Variants in EPS15L1 observed in about 807,000 individuals in gnomAD.
EPS15L1 encodes epidermal growth factor receptor pathway substrate 15 like 1, also known as epidermal growth factor receptor substrate 15-like 1.
EPS15L1 carries 43 observed loss-of-function variants against 117.1 expected under a neutral mutation model. The ratio of observed to expected loss-of-function variants is 0.37; its 90% CI spans 0.29 to 0.47. The LOEUF (loss-of-function observed/expected upper bound fraction) is 0.47. EPS15L1 is among the 20% of genes least tolerant of loss of function. The probability of loss-of-function intolerance (pLI) is 0.99; values close to 1 mark genes in which losing one functional copy is unlikely to be tolerated. For missense variants in EPS15L1, 981 were observed against 1,164.0 expected, an observed-to-expected ratio of 0.84 and a Z score of 2.29; for synonymous variants, 459 against 470.5, an observed-to-expected ratio of 0.98 and a Z score of 0.32.
At position 16,427,899 on chromosome 19, in the gene EPS15L1, A is replaced by AAAAGAAAG. The variant is rs568806756; in HGVS notation, c.558+795_558+802dup. On this transcript the variant is annotated intron_variant, in intron 8 of 23. Coordinates refer to ENST00000455140, the MANE Select transcript of EPS15L1 (RefSeq NM_001258374.3). ...ACAGAGCAAGACTCCGTGTCAAAAA[A>AAAAGAAAG]AAAGAAAGAAAGAAAGAAAGAAGGC... Among the ~76,000 whole-genome samples, 241 of 148,370 alleles carry AAAAGAAAG rather than the reference A, an allele frequency of 1.6e-3. 1 individual carries two copies. The highest frequency in any genetic ancestry group is 5.7e-3 in the African/African-American group (227 of 40,046).
At position 16,377,231 on chromosome 19, in the gene EPS15L1, G is replaced by A; in HGVS notation, c.2271C>T (p.Thr757=). ...AGAATCCTGCCCCTCCCAAGGAGGA[G>A]GTGAAAGGGCCAGAAGGTGGGGGCT... is the stretch of plus-strand genomic sequence containing the variant. ...MSKPPPSGPF[T]SSLGGAGFSD... is the part of the protein sequence containing the mutation. Residue 757 remains threonine (T), a synonymous_variant, in exon 22 of 24, where the codon ACC becomes ACT. Transcript: ENST00000455140. The A allele has an allele frequency of 6.2e-7, 1 of 1,613,064 alleles. No homozygotes were observed. Among genetic ancestry groups the A allele is most frequent in the Non-Finnish European group, 8.5e-7 (1 of 1,179,602 alleles).
intron 15 of EPS15L1, among the ~76,000 whole-genome samples, chr19:16,403,327 C>T (rs1352399561): frequency 6.6e-6 from 1 of 152,206 alleles, no homozygotes; most frequent in Non-Finnish European, 1.5e-5. Flanking sequence ...GCCTCCTGAA[C>T]ACACCAGTGG....
chr19:16,392,541 G>A, intron 18 of EPS15L1, 101 bp from the exon 19 acceptor site: 1 of 1,192,284 alleles, frequency 8.4e-7, no homozygotes, highest in South Asian at 1.4e-5. Flanking sequence ...TGAAATTCTA[G>A]AAAGGTAAGA....
At chr19:16,363,217 C>T (rs577331107) in intron 22 of EPS15L1, among the ~76,000 whole-genome samples, 5 of 152,324 alleles carry the variant, frequency 3.3e-5, no homozygotes, top group Non-Finnish European at 5.9e-5. Flanking sequence ...ACGTGGTCCA[C>T]GCAGCACCCC....
Position 16,371,429 on chromosome 19 carries a change from G to A in EPS15L1, c.2380+5693C>T, listed in dbSNP as rs941228255. 1.3e-5 allele frequency among the ~76,000 whole-genome samples: 2 copies of A among 152,188 alleles called. No individual in the cohort carries two copies. The highest frequency in any genetic ancestry group is 2.9e-5 in the Non-Finnish European group (2 of 68,028). On this transcript the variant is annotated intron_variant, in intron 22 of 23. Transcript: ENST00000455140. This position sits in a 1 kb window ranked among gnomAD's most constrained non-coding sequence, Gnocchi z 4.7. ...GCTGCTCAAATCAAACAGGACAGCC[G>A]CTGGTTAAACTTAGGTAAAAGCTGT...
Position 16,448,552 on chromosome 19 carries a change from G to C in EPS15L1, c.34-6333C>G, listed in dbSNP as rs1005217568. 1.4e-4 allele frequency among the ~76,000 whole-genome samples: 20 copies of C among 143,490 alleles called. 2 individuals carry two copies. The highest frequency in any genetic ancestry group is 5.3e-4 in the African/African-American group (20 of 38,050). The allele number at this position is 143,490 out of a possible 152,430, so 94.1% of individuals were successfully genotyped here. On this transcript the variant is annotated intron_variant, in intron 1 of 23. Transcript: ENST00000455140. ...AAATTCCGTATTAAAAAAAAAGGGG[G>C]GGGGAGAAAGGCCGGGCGCGGTGGC...
intron 5 of EPS15L1, 28 bp downstream of exon 5, chr19:16,437,742 T>G (rs750019015): frequency 2.1e-5 from 32 of 1,532,278 alleles, no homozygotes; most frequent in Non-Finnish European, 2.8e-5. Flanking sequence ...ATTAGAAGAA[T>G]GTGAACTTGA....
chr19:16,450,832 C>T (rs983232323), intron 1 of EPS15L1, among the ~76,000 whole-genome samples: 3 of 151,986 alleles, frequency 2.0e-5, no homozygotes, highest in Non-Finnish European at 4.4e-5. Flanking sequence ...TTTGGGTCCC[C>T]AGAGAATCCA....
In EPS15L1 at chr19:16,441,956, A is replaced by G; in HGVS notation, c.101T>C (p.Val34Ala). ...AAAAAGCGCAGCTTCACTCGCCCCC[A>G]CCCTCCCTGTGTATGCCGGATCGAC... ...KQVDPAYTGR[V>A]GASEAALFLK... is the part of the protein sequence containing the mutation. The change falls in exon 3 of 24, where the codon GTG becomes GCG. Residue 34 changes from valine to alanine, a missense_variant. Val to Ala is a moderately conservative substitution (Grantham distance 64). Transcript: ENST00000455140. 1 of 1,613,924 alleles carries G rather than the reference A, an allele frequency of 6.2e-7. No homozygotes were observed.
rs564819440 is a variant in EPS15L1 at position 16,371,456 on chromosome 19, C to T, written c.2380+5666G>A. ...TGGTTAAACTTAGGTAAAAGCTGTT[C>T]GTTAGTGCAACTGTGGGGAGGGGGC... On this transcript the variant is annotated intron_variant, in intron 22 of 23. Coordinates refer to ENST00000455140, the MANE Select transcript of EPS15L1 (RefSeq NM_001258374.3). The surrounding 1 kb of genome is among the most constrained non-coding windows in gnomAD (Gnocchi z 4.7). Among the ~76,000 whole-genome samples, 1 of 152,138 alleles carries T rather than the reference C, an allele frequency of 6.6e-6. No homozygotes were observed. Among genetic ancestry groups the T allele is most frequent in the Non-Finnish European group, 1.5e-5 (1 of 68,022 alleles).
chr19:16,403,977 T>C (rs1279072696), intron 14 of EPS15L1, 47 bp from the exon 15 acceptor site: 39 of 1,535,114 alleles, frequency 2.5e-5, no homozygotes, highest in Non-Finnish European at 3.2e-5. Flanking sequence ...CAGTGCAGGA[T>C]GAAATGGGAC....
rs374911192 is a variant in EPS15L1 at position 16,359,901 on chromosome 19, A to AC, written c.2586+1877_2586+1878insG. Among the ~76,000 whole-genome samples the AC allele has an allele frequency of 3.2e-4, 46 of 145,832 alleles. 1 individual carries two copies. Among genetic ancestry groups the AC allele is most frequent in the African/African-American group, 1.1e-3 (43 of 39,454 alleles). On this transcript the variant is annotated intron_variant, in intron 23 of 23. Coordinates refer to ENST00000455140, the MANE Select transcript of EPS15L1 (RefSeq NM_001258374.3). Reference sequence around the variant, plus strand: ...CCAAAAACTTAGGGAAAAAAAAAAAAAAAACAGAAAACAACAGGGCTGCAT... The same window carrying AC: ...CCAAAAACTTAGGGAAAAAAAAAAAACAAAACAGAAAACAACAGGGCTGCAT...
At chr19:16,376,301 G>C (rs1376483386) in intron 22 of EPS15L1, among the ~76,000 whole-genome samples, 1 of 152,234 alleles carries the variant, frequency 6.6e-6, no homozygotes, top group Non-Finnish European at 1.5e-5. Context: ...GGATCAGGGA[G>C]CTGCAGTGAC....
At chr19:16,361,097 AAAAC>A (rs1447243417) in intron 23 of EPS15L1, among the ~76,000 whole-genome samples, 1 of 152,212 alleles carries the variant, frequency 6.6e-6, no homozygotes, top group Non-Finnish European at 1.5e-5. Flanking sequence ...CACACAGAGA[AAAAC>A]AAAGCCAGGC....
intron 1 of EPS15L1, among the ~76,000 whole-genome samples, chr19:16,466,364 G>T (rs1220459369): frequency 6.6e-6 from 1 of 152,054 alleles, no homozygotes; most frequent in African/African-American, 2.4e-5. Flanking sequence ...CTGGTGGTGA[G>T]ACCTTTCCTG....
At chr19:16,469,233 C>T (rs935459768) in intron 1 of EPS15L1, among the ~76,000 whole-genome samples, 2 of 151,828 alleles carry the variant, frequency 1.3e-5, no homozygotes, top group African/African-American at 2.4e-5. Flanking sequence ...GGGGAGGGAG[C>T]GCACAGAGAG....
At chr19:16,409,375 C>T (rs745405199) in intron 13 of EPS15L1, among the ~76,000 whole-genome samples, 9 of 152,050 alleles carry the variant, frequency 5.9e-5, no homozygotes, top group Non-Finnish European at 8.8e-5. Context: ...CATGGAAAAG[C>T]GAAAACTATA....
chr19:16,397,350 A>G (rs989608594), intron 16 of EPS15L1, among the ~76,000 whole-genome samples: 3 of 152,234 alleles, frequency 2.0e-5, no homozygotes, highest in Admixed American at 2.0e-4. Context: ...TCGGCCTCCC[A>G]AAGTGCTGGG....
chr19:16,372,864 C>A (rs1023043739), intron 22 of EPS15L1, among the ~76,000 whole-genome samples: 2 of 152,250 alleles, frequency 1.3e-5, no homozygotes, highest in Admixed American at 6.5e-5. Context: ...AGAAACCAGC[C>A]TGATCAAGCA....
Sources: gnomAD v4.1 joint callset for allele counts (sites outside exome capture counted in the v4.1 genomes callset) on GRCh38, gnomAD v4.1.1 for gene constraint, Gnocchi (gnomAD v3.1) non-coding constraint, MANE v1.5 for transcripts, NCBI Gene and HGNC (gene_info 2026-07-23, HGNC 2026-07-21) for gene names.